Variants in TKTL1 observed in about 807,000 individuals in gnomAD.
TKTL1 encodes the protein transketolase like 1.
In TKTL1, 1 loss-of-function variant was observed where a neutral mutation model predicts 39.3. The observed-to-expected ratio is 0.03, with a 90% confidence interval of 0.01 to 0.12. The LOEUF (loss-of-function observed/expected upper bound fraction) is 0.12. TKTL1 is among the 10% of genes least tolerant of loss of function. The pLI is 1.00. For missense variants in TKTL1, 575 were observed against 509.6 expected (o/e 1.13, Z -1.24); for synonymous variants, 262 against 193.8 (o/e 1.35, Z -2.92).
intron 2 of TKTL1, among the ~76,000 whole-genome samples, chrX:154,308,499 C>G (rs1412743793): frequency 8.9e-6 from 1 of 111,814 alleles, no homozygotes; most frequent in East Asian, 2.8e-4. Context: ...CAGTCAACTT[C>G]AGTTTTAACA....
chrX:154,314,303 C>T (rs1409001664), intron 6 of TKTL1, among the ~76,000 whole-genome samples: 3 of 111,629 alleles, frequency 2.7e-5, no homozygotes, highest in Non-Finnish European at 5.6e-5. Context: ...TGCAGAGCAA[C>T]TTTCTTTATG....
At chrX:154,299,458 C>T (rs781874702) in intron 1 of TKTL1, among the ~76,000 whole-genome samples, 3 of 110,631 alleles carry the variant, frequency 2.7e-5, no homozygotes, top group Non-Finnish European at 5.7e-5. Context: ...CCCAGCCTCT[C>T]ATTTTCTTTT....
chrX:154,311,367 T>C, intron 5 of TKTL1, 129 bp downstream of exon 5: 1 of 923,025 alleles, frequency 1.1e-6, no homozygotes, highest in Admixed American at 2.8e-5. Context: ...GCCTGGAGTA[T>C]ATGTTGGAGG....
intron 6 of TKTL1, among the ~76,000 whole-genome samples, chrX:154,314,087 C>T (rs923751582): frequency 9.0e-6 from 1 of 110,825 alleles, no homozygotes; most frequent in Non-Finnish European, 1.9e-5. Flanking sequence ...ATCAATAGCC[C>T]TAGAAAAAAA....
chrX:154,317,608 G>T lies in TKTL1; in HGVS notation c.1029+2271G>T, dbSNP rs184037451. On this transcript the variant is annotated intron_variant, in intron 7 of 12. Coordinates refer to ENST00000369915, the MANE Select transcript of TKTL1 (RefSeq NM_012253.4). ...GAGGGCTTTAAGCAGGAAAGCAACA[G>T]CCTGCGTTTTCCAAAACTCTGAAGA... Among the ~76,000 whole-genome samples the T allele has an allele frequency of 8.4e-4, 95 of 112,870 alleles. 1 individual carries two copies. Among genetic ancestry groups the T allele is most frequent in the African/African-American group, 2.9e-3 (91 of 31,099 alleles).
At chrX:154,305,112 A>G in intron 1 of TKTL1, 192 bp from the exon 2 acceptor site, 2 of 1,152,591 alleles carry the variant, frequency 1.7e-6, no homozygotes, top group Non-Finnish European at 1.2e-6. Flanking sequence ...CACTGTGCAC[A>G]GGGGGAGGGG....
Position 154,330,018 on chromosome X carries a change from C to G in TKTL1, c.*330C>G, listed in dbSNP as rs1411872509. On this transcript the variant is annotated 3_prime_UTR_variant, in exon 13 of 13. Transcript: ENST00000369915. ...GGTAATCAATTCTTCCGAAGTGTTT[C>G]CTTCGTGAATAACTGGTAGAGGTAA... The G allele has an allele frequency of 1.7e-5, 3 of 180,870 alleles. No homozygotes were observed. Among genetic ancestry groups the G allele is most frequent in the Non-Finnish European group, 3.1e-5 (3 of 97,700 alleles). 14.9% of individuals were successfully genotyped at this position (180,870 alleles called of 1,213,427 possible). A position where few individuals can be genotyped will look rare whatever the true frequency, so the allele number is the denominator to read the frequency against.
intron 1 of TKTL1, among the ~76,000 whole-genome samples, chrX:154,304,107 G>A (rs1217280371): frequency 2.4e-4 from 26 of 110,518 alleles, no homozygotes; most frequent in Admixed American, 1.5e-3. Flanking sequence ...GAACCTGAGA[G>A]GAAGAAGAGA....
At chrX:154,316,099 C>CG (rs782535934) in intron 7 of TKTL1, among the ~76,000 whole-genome samples, 2 of 111,728 alleles carry the variant, frequency 1.8e-5, no homozygotes, top group Non-Finnish European at 3.8e-5. Flanking sequence ...TTTTTTTAGA[C>CG]GAAGTCTCGC....
At chrX:154,298,572 C>A (rs976962813) in intron 1 of TKTL1, among the ~76,000 whole-genome samples, 9 of 111,569 alleles carry the variant, frequency 8.1e-5, no homozygotes, top group Non-Finnish European at 1.5e-4. Flanking sequence ...ATTAGCTAGA[C>A]ATGGCGAGCA....
chrX:154,299,620 T>C (rs782812714), intron 1 of TKTL1, among the ~76,000 whole-genome samples: 5 of 111,254 alleles, frequency 4.5e-5, no homozygotes, highest in African/African-American at 1.6e-4. Flanking sequence ...CCTTCCTACC[T>C]TCCCCCTTCA....
intron 2 of TKTL1, 49 bp downstream of exon 2, chrX:154,305,470 C>A: frequency 8.5e-7 from 1 of 1,176,202 alleles, no homozygotes; most frequent in South Asian, 1.8e-5. Flanking sequence ...CTGGTTAAGC[C>A]CAGTTTGAAC....
At chrX:154,324,494 G>A (rs782024453) in intron 9 of TKTL1, among the ~76,000 whole-genome samples, 1 of 112,147 alleles carries the variant, frequency 8.9e-6, no homozygotes, top group Non-Finnish European at 1.9e-5. Context: ...GATTTCACAC[G>A]TTATAGGGTT....
intron 10 of TKTL1, among the ~76,000 whole-genome samples, chrX:154,325,918 AG>A (rs1230546146): frequency 5.4e-5 from 6 of 112,107 alleles, no homozygotes; most frequent in Non-Finnish European, 1.1e-4. Flanking sequence ...CAGGAATTCA[AG>A]GCAGCAGTGA....
intron 1 of TKTL1, among the ~76,000 whole-genome samples, chrX:154,303,233 G>T (rs2067288420): frequency 2.1e-5 from 2 of 97,500 alleles, no homozygotes; most frequent in African/African-American, 7.5e-5. Flanking sequence ...TTATTTTGAG[G>T]CAGGGTTTCA....
At chrX:154,299,927 T>C (rs1327292853) in intron 1 of TKTL1, among the ~76,000 whole-genome samples, 2 of 111,932 alleles carry the variant, frequency 1.8e-5, no homozygotes, top group Non-Finnish European at 3.8e-5. Context: ...TTTCATATAA[T>C]GACTTTTTTT....
At chrX:154,321,774 A>G (rs1309722594) in intron 8 of TKTL1, among the ~76,000 whole-genome samples, 1 of 106,930 alleles carries the variant, frequency 9.4e-6, no homozygotes, top group Non-Finnish European at 1.9e-5. Flanking sequence ...AAGCCATCTC[A>G]GGGACTCCCT....
intron 1 of TKTL1, among the ~76,000 whole-genome samples, chrX:154,301,771 T>TA (rs1229995031): frequency 9.2e-6 from 1 of 108,172 alleles, no homozygotes; most frequent in Non-Finnish European, 1.9e-5. Context: ...TTTTTTTTTT[T>TA]TAGTAGAGAC....
chrX:154,327,068 T>C, intron 10 of TKTL1: 1 of 184,809 alleles, frequency 5.4e-6, no homozygotes, highest in Non-Finnish European at 1.0e-5. Flanking sequence ...GAACTCTGTC[T>C]TTGCTTGCAG....
Sources: gnomAD v4.1 joint callset for allele counts (sites outside exome capture counted in the v4.1 genomes callset) on GRCh38, gnomAD v4.1.1 for gene constraint, MANE v1.5 for transcripts, NCBI Gene and HGNC (gene_info 2026-07-23, HGNC 2026-07-21) for gene names.